The following LRFN5 variants were observed in gnomAD, a reference collection of about 807,000 sequenced individuals.
The protein encoded by LRFN5 is leucine rich repeat and fibronectin type III domain containing 5, also known as leucine-rich repeat and fibronectin type-III domain-containing protein 5.
Under a neutral mutation model 45.6 loss-of-function variants are expected in LRFN5, and 24 were observed. That is an observed-to-expected ratio of 0.53 (90% CI 0.38 to 0.74). The LOEUF is 0.74. Ranked by LOEUF, LRFN5 falls within the 30% of genes least tolerant of loss-of-function variation. The pLI is 0.00. For missense variants in LRFN5, 776 were observed against 861.5 expected (o/e 0.90, Z 1.24); for synonymous variants, 340 against 313.8 (o/e 1.08, Z -0.88).
At chr14:41,645,464 A>G (rs1036194637) in intron 1 of LRFN5, among the ~76,000 whole-genome samples, 13 of 152,100 alleles carry the variant, frequency 8.5e-5, no homozygotes, top group African/African-American at 3.1e-4. Context: ...CCAGCCAGCA[A>G]TTATTTTTAT....
At chr14:41,707,679 T>C (rs766493863) in intron 1 of LRFN5, among the ~76,000 whole-genome samples, 1 of 152,084 alleles carries the variant, frequency 6.6e-6, no homozygotes, top group Non-Finnish European at 1.5e-5. Context: ...TTAATTATTT[T>C]CAAGTGTTAG....
intron 1 of LRFN5, among the ~76,000 whole-genome samples, chr14:41,738,362 C>T (rs1439849540): frequency 6.6e-6 from 1 of 152,148 alleles, no homozygotes; most frequent in Non-Finnish European, 1.5e-5. Context: ...GGATTAAAGA[C>T]TTAAATGTAA....
chr14:41,672,472 ATACTTCT>A (rs1881281894), intron 1 of LRFN5, among the ~76,000 whole-genome samples: 1 of 152,198 alleles, frequency 6.6e-6, no homozygotes, highest in African/African-American at 2.4e-5. Context: ...TTTTAATCAA[ATACTTCT>A]TAGGAGTAGT....
At chr14:41,628,336 A>G (rs116416782) in intron 1 of LRFN5, among the ~76,000 whole-genome samples, 2,634 of 152,276 alleles carry the variant, frequency 0.017, 78 homozygotes, top group African/African-American at 0.061. Flanking sequence ...TCTTTAACTC[A>G]TTGATTTATT....
At chr14:41,862,700 T>G (rs1309490371) in intron 2 of LRFN5, among the ~76,000 whole-genome samples, 2 of 152,144 alleles carry the variant, frequency 1.3e-5, no homozygotes, top group African/African-American at 4.8e-5. Flanking sequence ...ATTGACAACT[T>G]TATTTTTTAT....
intron 1 of LRFN5, among the ~76,000 whole-genome samples, chr14:41,664,354 G>C (rs535191174): frequency 6.6e-6 from 1 of 151,818 alleles, no homozygotes; most frequent in Non-Finnish European, 1.5e-5. Context: ...TCAGTTGTCT[G>C]TGCCATCATT....
At chr14:41,807,612 T>C (rs1381172601) in intron 2 of LRFN5, among the ~76,000 whole-genome samples, 1 of 152,058 alleles carries the variant, frequency 6.6e-6, no homozygotes, top group African/African-American at 2.4e-5. Context: ...TGTGTGAAAG[T>C]TTGAAAGTTA....
chr14:41,782,965 G>A (rs1475309131), intron 2 of LRFN5, among the ~76,000 whole-genome samples: 2 of 130,530 alleles, frequency 1.5e-5, no homozygotes, highest in Admixed American at 1.8e-4. Flanking sequence ...TGTTCCTGTG[G>A]TGATACAGCT....
chr14:41,884,798 T>C (rs1890507175), intron 2 of LRFN5, among the ~76,000 whole-genome samples: 1 of 152,248 alleles, frequency 6.6e-6, no homozygotes, highest in Admixed American at 6.5e-5. Flanking sequence ...AATCTCCGGA[T>C]TGGCCACTCC....
chr14:41,617,694 T>A (rs1005879694), intron 1 of LRFN5, among the ~76,000 whole-genome samples: 1 of 152,176 alleles, frequency 6.6e-6, no homozygotes, highest in Non-Finnish European at 1.5e-5. Flanking sequence ...TATAAATATA[T>A]ACTAAAACTT....
At chr14:41,825,787 G>A (rs922971880) in intron 2 of LRFN5, among the ~76,000 whole-genome samples, 4 of 152,100 alleles carry the variant, frequency 2.6e-5, no homozygotes, top group African/African-American at 7.2e-5. Flanking sequence ...GCAGCTCAGT[G>A]CAATGCCCTC....
At chr14:41,620,332 G>T (rs559951378) in intron 1 of LRFN5, among the ~76,000 whole-genome samples, 1 of 152,030 alleles carries the variant, frequency 6.6e-6, no homozygotes, top group Non-Finnish European at 1.5e-5. Flanking sequence ...GACCAATCCA[G>T]GTTGTTTAGG....
intron 1 of LRFN5, among the ~76,000 whole-genome samples, chr14:41,759,779 T>G (rs1885580010): frequency 6.6e-6 from 1 of 152,224 alleles, no homozygotes; most frequent in Non-Finnish European, 1.5e-5. Context: ...CACACTGTAT[T>G]TCAAATGTGG....
rs548307371 is a variant in LRFN5 at position 41,892,714 on chromosome 14, C to G, written c.2098+752C>G. 44 of 985,068 alleles carry G rather than the reference C, an allele frequency of 4.5e-5. No individual in the cohort carries two copies. The Middle Eastern group carries it at 2.1e-3, about 46-fold the overall frequency. 61.0% of individuals were successfully genotyped at this position (985,068 alleles called of 1,614,324 possible). On this transcript the variant is annotated intron_variant, in intron 4 of 5. Coordinates refer to ENST00000298119, the MANE Select transcript of LRFN5 (RefSeq NM_152447.5). Reference sequence around the variant, plus strand: ...CTAAACAACATCCTTGGTGCAGGTGCCTTAATGGTTGTAAGATATTTCTCC... The same window carrying G: ...CTAAACAACATCCTTGGTGCAGGTGGCTTAATGGTTGTAAGATATTTCTCC...
intron 1 of LRFN5, chr14:41,610,085 G>C (rs745553599): frequency 6.6e-6 from 1 of 152,518 alleles, no homozygotes; most frequent in African/African-American, 2.4e-5. Flanking sequence ...CTGGCAGGAC[G>C]GCTTTGACAC....
At chr14:41,858,011 A>T (rs568000828) in intron 2 of LRFN5, among the ~76,000 whole-genome samples, 36 of 152,334 alleles carry the variant, frequency 2.4e-4, no homozygotes, top group Admixed American at 1.0e-3. Flanking sequence ...ATAATACATT[A>T]GAGCTAAATT....
intron 2 of LRFN5, among the ~76,000 whole-genome samples, chr14:41,767,277 A>G (rs904284606): frequency 2.6e-5 from 4 of 151,652 alleles, no homozygotes; most frequent in African/African-American, 9.7e-5. Context: ...TTTGTGTTTC[A>G]CATGCATTAT....
chr14:41,660,592 T>G (rs573179024), intron 1 of LRFN5, among the ~76,000 whole-genome samples: 1 of 152,174 alleles, frequency 6.6e-6, no homozygotes, highest in South Asian at 2.1e-4. Context: ...TTGGAAACAG[T>G]TTGTCTGTTA....
chr14:41,704,878 A>G (rs889881017), intron 1 of LRFN5, among the ~76,000 whole-genome samples: 1 of 152,148 alleles, frequency 6.6e-6, no homozygotes, highest in Non-Finnish European at 1.5e-5. Context: ...TGGAGAAATA[A>G]ACTTATTGTA....
Sources: allele counts gnomAD v4.1 joint callset (sites outside exome capture counted in the v4.1 genomes callset), GRCh38; gene constraint gnomAD v4.1.1; transcripts MANE v1.5; gene names NCBI Gene and HGNC (gene_info 2026-07-23, HGNC 2026-07-21).